The following CBR4 variants were observed in gnomAD, a reference collection of about 807,000 sequenced individuals.
CBR4 encodes the protein 3-oxoacyl-[acyl-carrier-protein] reductase.
A neutral mutation model predicts 21.0 loss-of-function variants in CBR4; 22 were observed. That is an observed-to-expected ratio of 1.05 (90% CI 0.75 to 1.50). CBR4 has a LOEUF of 1.50. Among genes scored for constraint, CBR4 ranks in the 40% most tolerant of loss-of-function variants. CBR4 has a pLI of 0.00. For synonymous variants in CBR4, 100 were observed against 104.4 expected (o/e 0.96, Z 0.26); for missense variants, 302 against 286.3 (o/e 1.05, Z -0.40).
intron 2 of CBR4, among the ~76,000 whole-genome samples, chr4:168,943,291 G>A (rs751214217): frequency 1.3e-5 from 2 of 152,170 alleles, no homozygotes; most frequent in African/African-American, 4.8e-5. Context: ...CCCCAGCCCT[G>A]TAGAAGGTAG....
chr4:168,983,027 C>T (rs1040708696), downstream of CBR4, among the ~76,000 whole-genome samples: 17 of 152,050 alleles, frequency 1.1e-4, no homozygotes, highest in African/African-American at 3.6e-4. Context: ...AAAACAAGAA[C>T]AAACCAACTC....
rs556311031 is a variant in CBR4 at position 168,957,378 on chromosome 4, T to C, written n.169+44693A>G. Among the ~76,000 whole-genome samples the C allele has an allele frequency of 3.0e-4, 45 of 151,900 alleles. 1 individual carries two copies. In the South Asian group the frequency reaches 8.6e-3, roughly 29 times the overall value. ...TAAACATTGTACCCCTTAGTGTAGG[T>C]AGGGGGAAATTTTGTTCTCCAATGC... On this transcript the variant is annotated intron_variant and non_coding_transcript_variant, in intron 2 of 3. Coordinates refer to the CBR4 transcript ENST00000509108.
chr4:168,900,553 T>G (rs771183754), intron 2 of CBR4, among the ~76,000 whole-genome samples: 20 of 152,318 alleles, frequency 1.3e-4, no homozygotes, highest in Middle Eastern at 3.4e-3. Flanking sequence ...CCTGACACTT[T>G]TAGGTGTTAA....
chr4:168,907,854 T>A (rs1758134148), intron 2 of CBR4, among the ~76,000 whole-genome samples: 1 of 151,964 alleles, frequency 6.6e-6, no homozygotes, highest in African/African-American at 2.4e-5. Context: ...AAAAAAAGAT[T>A]CAAAGAACCC....
chr4:168,934,282 C>CAAAAAAAAAAAAAAAAAAAAAAA (rs60538970), intron 2 of CBR4, among the ~76,000 whole-genome samples: 6 of 18,196 alleles, frequency 3.3e-4, no homozygotes, highest in African/African-American at 3.8e-4. Flanking sequence ...GCAAAAAAAA[C>CAAAAAAAAAAAAAAAAAAAAAAA]AAAAAAAAAA....
chr4:168,930,228 T>C (rs760087833), intron 2 of CBR4, among the ~76,000 whole-genome samples: 1 of 152,182 alleles, frequency 6.6e-6, no homozygotes, highest in South Asian at 2.1e-4. Flanking sequence ...ATGTATTTTA[T>C]GCCTCCATGA....
intron 2 of CBR4, among the ~76,000 whole-genome samples, chr4:168,916,958 A>G (rs1236224048): frequency 6.8e-6 from 1 of 146,778 alleles, no homozygotes; most frequent in African/African-American, 2.5e-5. Flanking sequence ...TGTGAGCCAC[A>G]GTGCCCCGCC....
intron 2 of CBR4, among the ~76,000 whole-genome samples, chr4:168,933,057 C>T (rs1369065020): frequency 1.3e-5 from 2 of 151,954 alleles, no homozygotes; most frequent in African/African-American, 2.4e-5. Flanking sequence ...CTTATCACTA[C>T]AGAAAACCAC....
At chr4:169,006,131 A>C (rs1357386941) in intron 3 of CBR4, among the ~76,000 whole-genome samples, 1 of 152,174 alleles carries the variant, frequency 6.6e-6, no homozygotes, top group Non-Finnish European at 1.5e-5. Context: ...TTAAACCTCT[A>C]CACAAGATTT....
intron 2 of CBR4, among the ~76,000 whole-genome samples, chr4:168,971,295 G>T (rs1412680346): frequency 6.6e-6 from 1 of 151,936 alleles, no homozygotes; most frequent in Non-Finnish European, 1.5e-5. Context: ...TTGAGACAGG[G>T]TCTCACTTTG....
rs67305871 is a variant in CBR4 at position 169,010,175 on chromosome 4, CAAAAAAAAAA to C, written c.-96_-87del. ...TCAGGCTTTTAAACAACCGCGGTTCCAAAAAAAAAAAAAAGAAAAAAAAAGGCAAACCGCA... is the reference window on the plus strand; with the variant it reads ...TCAGGCTTTTAAACAACCGCGGTTCCAAAAGAAAAAAAAAGGCAAACCGCA... On this transcript the variant is annotated 5_prime_UTR_variant, in exon 1 of 5. Transcript: ENST00000306193. The C allele has an allele frequency of 3.0e-6, 2 of 664,478 alleles. No individual in the cohort carries two copies. The highest frequency in any genetic ancestry group is 4.6e-5 in the East Asian group (1 of 21,534). The allele number at this position is 664,478 out of a possible 1,614,324, so 41.2% of individuals were successfully genotyped here. A position where few individuals can be genotyped will look rare whatever the true frequency, so the allele number is the denominator to read the frequency against.
chr4:169,001,260 A>C (rs1440890041), intron 4 of CBR4: 1 of 151,660 alleles, frequency 6.6e-6, no homozygotes, highest in Non-Finnish European at 1.5e-5. Flanking sequence ...ATGAGCTACC[A>C]TACCTGGTAG....
chr4:169,002,333 T>C (rs1433442629), intron 3 of CBR4, 128 bp from the exon 4 acceptor site: 2 of 986,956 alleles, frequency 2.0e-6, no homozygotes, highest in Non-Finnish European at 2.7e-6. Context: ...TTTGTTAAAA[T>C]TAGAAATTCT....
chr4:169,006,716 TTA>T, intron 3 of CBR4, 37 bp downstream of exon 3: 3 of 1,559,762 alleles, frequency 1.9e-6, no homozygotes, highest in Non-Finnish European at 2.6e-6. Context: ...TGGTATGGTA[TTA>T]TGGGATAATC....
intron 2 of CBR4, among the ~76,000 whole-genome samples, chr4:168,920,799 G>A (rs925653997): frequency 1.3e-5 from 2 of 152,112 alleles, no homozygotes; most frequent in Non-Finnish European, 2.9e-5. Flanking sequence ...GTGTGCTGAC[G>A]AATGCATTCT....
intron 2 of CBR4, among the ~76,000 whole-genome samples, chr4:168,976,442 T>C (rs9998281): frequency 0.7 from 106,237 of 152,194 alleles, 38,524 homozygotes; most frequent in East Asian, 0.96. Flanking sequence ...TGCGTGCAGG[T>C]GGGCTGAGTC....
At chr4:168,913,838 T>G (rs1759555215) in intron 2 of CBR4, 8 of 902,170 alleles carry the variant, frequency 8.9e-6, no homozygotes, top group Non-Finnish European at 1.5e-5. Context: ...TGAAATAATG[T>G]CTTATAGAGA....
At chr4:168,929,243 T>C (rs1762885344) in intron 2 of CBR4, among the ~76,000 whole-genome samples, 1 of 152,130 alleles carries the variant, frequency 6.6e-6, no homozygotes, top group Non-Finnish European at 1.5e-5. Flanking sequence ...AATATCTACA[T>C]AGTTACAACA....
Position 168,987,790 on chromosome 4 carries a change from C to A in CBR4, c.*2360G>T. ...AGAAGCACGTAAATTAAATTATCCT[C>A]TTTGCACAATTATTCCCCCCAAAAC... On this transcript the variant is annotated 3_prime_UTR_variant, in exon 5 of 5. Coordinates refer to ENST00000306193, the MANE Select transcript of CBR4 (RefSeq NM_032783.5). 1 of 984,138 alleles carries A rather than the reference C, an allele frequency of 1.0e-6. No homozygotes were observed. The highest frequency in any genetic ancestry group is 1.1e-4 in the East Asian group (1 of 8,816). The allele number at this position is 984,138 out of a possible 1,614,324, so 61.0% of individuals were successfully genotyped here.
Sources: gnomAD v4.1 joint callset for allele counts (sites outside exome capture counted in the v4.1 genomes callset) on GRCh38, gnomAD v4.1.1 for gene constraint, MANE v1.5 for transcripts, NCBI Gene and HGNC (gene_info 2026-07-23, HGNC 2026-07-21) for gene names.